The following SNX24 variants were observed in gnomAD, a reference collection of about 807,000 sequenced individuals.
The protein encoded by SNX24 is sorting nexin 24.
Under a neutral mutation model 28.7 loss-of-function variants are expected in SNX24, and 22 were observed. That is an observed-to-expected ratio of 0.77 (90% CI 0.55 to 1.10). The LOEUF (loss-of-function observed/expected upper bound fraction) is 1.10. SNX24 is among the 50% of genes least tolerant of loss of function. The probability of loss-of-function intolerance (pLI) is 0.00; values close to 1 mark genes in which losing one functional copy is unlikely to be tolerated. For synonymous variants in SNX24, 69 were observed against 71.5 expected (o/e 0.96, Z 0.18); for missense variants, 221 against 201.1 (o/e 1.10, Z -0.60).
intron 3 of SNX24, among the ~76,000 whole-genome samples, chr5:122,963,239 T>A (rs1325419696): frequency 6.6e-6 from 1 of 152,060 alleles, no homozygotes; most frequent in African/African-American, 2.4e-5. Context: ...GTCTCAAAAA[T>A]TAATTAATTA....
At chr5:122,879,877 C>G (rs948146371) in intron 1 of SNX24, among the ~76,000 whole-genome samples, 3 of 152,094 alleles carry the variant, frequency 2.0e-5, no homozygotes, top group South Asian at 2.1e-4. Flanking sequence ...AGGGTTGTTG[C>G]AAAAACTGAA....
At chr5:122,988,792 G>T (rs1761708512) in intron 3 of SNX24, among the ~76,000 whole-genome samples, 1 of 152,158 alleles carries the variant, frequency 6.6e-6, no homozygotes, top group African/African-American at 2.4e-5. Context: ...TTACTGTCCT[G>T]TAATGGGTGT....
chr5:122,867,123 A>T (rs1755755850), intron 1 of SNX24, among the ~76,000 whole-genome samples: 1 of 152,316 alleles, frequency 6.6e-6, no homozygotes, highest in South Asian at 2.1e-4. Context: ...AGCCCTGCAA[A>T]GTATTGCAAC....
At chr5:122,965,538 G>A (rs570013916) in intron 3 of SNX24, 5 of 438,280 alleles carry the variant, frequency 1.1e-5, no homozygotes, top group Middle Eastern at 3.4e-4. Flanking sequence ...GCAAAATGAT[G>A]CCTTTTATAA....
At chr5:122,880,779 A>G (rs1756445585) in intron 1 of SNX24, among the ~76,000 whole-genome samples, 1 of 152,206 alleles carries the variant, frequency 6.6e-6, no homozygotes, top group Non-Finnish European at 1.5e-5. Context: ...GTAGCTTGTC[A>G]AGTGAAGCCC....
At position 122,868,883 on chromosome 5, in the gene SNX24, G is replaced by A. The variant is rs189755525; in HGVS notation, c.60+23190G>A. Among the ~76,000 whole-genome samples, 95 of 152,318 alleles carry A rather than the reference G, an allele frequency of 6.2e-4. 3 individuals are homozygous for A. The East Asian group carries it at 0.014, about 23-fold the overall frequency. ...GGGCACCCAATGGCTCAGTCAAGTAGACACATAAAATTAATTATTGTACCA... is the reference window on the plus strand; with the variant it reads ...GGGCACCCAATGGCTCAGTCAAGTAAACACATAAAATTAATTATTGTACCA... On this transcript the variant is annotated intron_variant, in intron 1 of 6. Coordinates refer to ENST00000261369, the MANE Select transcript of SNX24 (RefSeq NM_014035.4).
At chr5:122,913,706 A>T (rs1160188400) in intron 1 of SNX24, among the ~76,000 whole-genome samples, 2 of 151,812 alleles carry the variant, frequency 1.3e-5, no homozygotes, top group South Asian at 2.1e-4. Flanking sequence ...CCTAGATGGG[A>T]TGGCGGCCGG....
intron 1 of SNX24, among the ~76,000 whole-genome samples, chr5:122,912,587 A>G (rs2150091148): frequency 6.6e-6 from 1 of 152,282 alleles, no homozygotes; most frequent in East Asian, 1.9e-4. Context: ...CCCATTCAGT[A>G]TGATATTGGC....
intron 5 of SNX24, chr5:123,024,084 A>G (rs1319036830): frequency 5.3e-6 from 8 of 1,501,480 alleles, no homozygotes; most frequent in Non-Finnish European, 6.3e-6. Context: ...AGCCAACTCC[A>G]AAAGCCCAAG....
intron 1 of SNX24, among the ~76,000 whole-genome samples, chr5:122,921,855 C>T (rs973071394): frequency 6.6e-6 from 1 of 150,884 alleles, no homozygotes; most frequent in Non-Finnish European, 1.5e-5. Context: ...CACCTTTTCT[C>T]GAATCCATTG....
chr5:123,026,453 C>T (rs73290971), intron 5 of SNX24, among the ~76,000 whole-genome samples: 2,021 of 152,294 alleles, frequency 0.013, 39 homozygotes, highest in African/African-American at 0.046. Context: ...ATACCCACAC[C>T]GAATTCTCAT....
chr5:123,028,938 T>G, intron 5 of SNX24: 1 of 1,312,356 alleles, frequency 7.6e-7, no homozygotes, highest in Non-Finnish European at 1.1e-6. Flanking sequence ...AGTGTTGATC[T>G]AGAAAGGACA....
chr5:122,981,817 A>G (rs1352889070), intron 3 of SNX24, among the ~76,000 whole-genome samples: 1 of 152,174 alleles, frequency 6.6e-6, no homozygotes, highest in Non-Finnish European at 1.5e-5. Flanking sequence ...AGCTGGGATT[A>G]AAAGTGGTAG....
chr5:123,008,425 T>G lies in SNX24; in HGVS notation c.*676T>G. On this transcript the variant is annotated 3_prime_UTR_variant, in exon 7 of 7. Transcript: ENST00000261369. ...TATTAGGATGATCCTTGAAAGCCCT[T>G]TAGAAGGGTGCCATGTTGGAAACCT... is the stretch of plus-strand genomic sequence containing the variant. 1 of 367,414 alleles carries G rather than the reference T, an allele frequency of 2.7e-6. No homozygotes were observed. The highest frequency in any genetic ancestry group is 3.8e-6 in the Non-Finnish European group (1 of 265,102). The allele number at this position is 367,414 out of a possible 1,614,324, so 22.8% of individuals were successfully genotyped here.
At chr5:122,947,289 C>G (rs1759727963) in intron 3 of SNX24, among the ~76,000 whole-genome samples, 1 of 151,930 alleles carries the variant, frequency 6.6e-6, no homozygotes, top group Admixed American at 6.6e-5. Flanking sequence ...CTACAGAGCT[C>G]TATGAATGGC....
intron 3 of SNX24, chr5:122,982,953 A>T (rs1761453233): frequency 6.6e-6 from 1 of 152,144 alleles, no homozygotes; most frequent in African/African-American, 2.4e-5. Context: ...AATAGTATTA[A>T]TAGTATTAGT....
intron 1 of SNX24, among the ~76,000 whole-genome samples, chr5:122,914,639 C>G (rs1414706923): frequency 1.3e-5 from 2 of 150,238 alleles, no homozygotes; most frequent in African/African-American, 4.9e-5. Flanking sequence ...GTGTATGTGT[C>G]GAGGAATTTA....
In SNX24 at chr5:122,979,854, C is replaced by A. The variant is rs141286740; in HGVS notation, c.250-20058C>A. Among the ~76,000 whole-genome samples the A allele has an allele frequency of 6.2e-4, 95 of 152,322 alleles. 3 individuals carry two copies. In the East Asian group the frequency reaches 0.017, roughly 27 times the overall value. On this transcript the variant is annotated intron_variant, in intron 3 of 6. Coordinates refer to ENST00000261369, the MANE Select transcript of SNX24 (RefSeq NM_014035.4). The stretch of plus-strand genomic sequence containing the variant: ...TCCATGTTTACCAGTTGTGCCATCT[C>A]CATTTATTCAGCGGTCCACCCGAAT...
At chr5:122,848,419 A>T (rs911319705) in intron 1 of SNX24, among the ~76,000 whole-genome samples, 1 of 149,976 alleles carries the variant, frequency 6.7e-6, no homozygotes, top group Non-Finnish European at 1.5e-5. Flanking sequence ...AAAATTTAAA[A>T]CGGCCGGGGC....
Sources: gnomAD v4.1 joint callset for allele counts (sites outside exome capture counted in the v4.1 genomes callset) on GRCh38, gnomAD v4.1.1 for gene constraint, MANE v1.5 for transcripts, NCBI Gene and HGNC (gene_info 2026-07-23, HGNC 2026-07-21) for gene names.